Variants in CBLL1 observed in about 807,000 individuals in gnomAD.
The protein encoded by CBLL1 is E3 ubiquitin-protein ligase Hakai.
A neutral mutation model predicts 44.9 loss-of-function variants in CBLL1; 4 were observed. The observed-to-expected ratio is 0.09, with a 90% CI of 0.04 to 0.20. The LOEUF is 0.20. Ranked by LOEUF, CBLL1 falls within the 10% of genes least tolerant of loss-of-function variation. The pLI, the probability that CBLL1 is intolerant of heterozygous loss-of-function variation, is 1.00. For synonymous variants in CBLL1, 235 were observed against 202.2 expected, an observed-to-expected ratio of 1.16 and a Z score of -1.38; for missense variants, 569 against 636.7, an observed-to-expected ratio of 0.89 and a Z score of 1.14.
At chr7:107,751,666 A>T (rs1793297036) in intron 2 of CBLL1, among the ~76,000 whole-genome samples, 1 of 152,208 alleles carries the variant, frequency 6.6e-6, no homozygotes, top group Admixed American at 6.5e-5. Flanking sequence ...TTTTAAAACA[A>T]CACGTTAGTG....
In CBLL1 at chr7:107,746,433, C is replaced by G. The variant is rs551548952; in HGVS notation, c.13+2257C>G. On this transcript the variant is annotated intron_variant, in intron 1 of 5. Coordinates refer to ENST00000440859, the MANE Select transcript of CBLL1 (RefSeq NM_024814.4). The stretch of plus-strand genomic sequence containing the variant: ...TTATTTTTTTTAAATGAATCAATCT[C>G]TTTGATGTTTAGTATCAGAAGACAG... 3.9e-5 allele frequency among the ~76,000 whole-genome samples: 6 copies of G among 152,156 alleles called. No homozygotes were observed. The East Asian group carries it at 1.2e-3, about 29-fold the overall frequency.
chr7:107,744,948 C>G (rs1167837487), intron 1 of CBLL1: 1 of 152,110 alleles, frequency 6.6e-6, no homozygotes. Context: ...TTTATAGCGA[C>G]CGTATCACAA....
intron 4 of CBLL1, among the ~76,000 whole-genome samples, 167 bp from the exon 5 acceptor site, chr7:107,755,251 A>AG (rs1397634755): frequency 6.6e-6 from 1 of 152,170 alleles, no homozygotes; most frequent in Non-Finnish European, 1.5e-5. Flanking sequence ...TGTTCTCAAA[A>AG]GGCTTTGTGA....
At position 107,757,047 on chromosome 7, in the gene CBLL1, C is replaced by T. The variant is rs149780143; in HGVS notation, c.441-1096C>T. 2.6e-5 allele frequency among the ~76,000 whole-genome samples: 4 copies of T among 152,258 alleles called. No homozygotes were observed. In the East Asian group the frequency reaches 7.7e-4, roughly 29 times the overall value. Reference sequence around the variant, plus strand: ...TGGCCACTAAAGGGAAGCATAATAACATCAATAAGGAGTGCCAGCCTTATA... The same window carrying T: ...TGGCCACTAAAGGGAAGCATAATAATATCAATAAGGAGTGCCAGCCTTATA... On this transcript the variant is annotated intron_variant, in intron 5 of 5. Coordinates refer to ENST00000440859, the MANE Select transcript of CBLL1 (RefSeq NM_024814.4).
Position 107,758,090 on chromosome 7 carries a change from T to C in CBLL1, c.441-53T>C, listed in dbSNP as rs1793610491. 6.8e-7 allele frequency: 1 copy of C among 1,479,458 alleles called. No homozygotes were observed. The highest frequency in any genetic ancestry group is 9.1e-7 in the Non-Finnish European group (1 of 1,102,368). The allele number at this position is 1,479,458 out of a possible 1,614,324, so 91.6% of individuals were successfully genotyped here. Reference sequence around the variant, plus strand: ...AACAAGCATATTTTTGAAAATTACATAATTTTTTGTATTCTCTTTTAGTAA... The same window carrying C: ...AACAAGCATATTTTTGAAAATTACACAATTTTTTGTATTCTCTTTTAGTAA... On this transcript the variant is annotated intron_variant, in intron 5 of 5. Coordinates refer to ENST00000440859, the MANE Select transcript of CBLL1 (RefSeq NM_024814.4). The surrounding 1 kb of genome is among the most constrained non-coding windows in gnomAD (Gnocchi z 4.2).
At chr7:107,756,720 C>T (rs1463844378) in intron 5 of CBLL1, among the ~76,000 whole-genome samples, 1 of 152,120 alleles carries the variant, frequency 6.6e-6, no homozygotes, top group Non-Finnish European at 1.5e-5. Flanking sequence ...AAAGAAATTA[C>T]TTCCCAAGGT....
Position 107,760,972 on chromosome 7 carries a change from T to G in CBLL1, c.*1794T>G, listed in dbSNP as rs1397262380. The G allele has an allele frequency of 6.6e-6, 1 of 152,228 alleles. No homozygotes were observed. Among genetic ancestry groups the G allele is most frequent in the Non-Finnish European group, 1.5e-5 (1 of 67,926 alleles). The allele number at this position is 152,228 out of a possible 1,614,324, so 9.4% of individuals were successfully genotyped here. A position where few individuals can be genotyped will look rare whatever the true frequency, so the allele number is the denominator to read the frequency against. ...TGAAAGTCCAGTGTTAATGCAATAT[T>G]TCTAGTGAGAAATGCTTGTTATTAA... On this transcript the variant is annotated 3_prime_UTR_variant, in exon 6 of 6. Coordinates refer to ENST00000440859, the MANE Select transcript of CBLL1 (RefSeq NM_024814.4).
In CBLL1 at chr7:107,753,966, C is replaced by T. The variant is rs986049952; in HGVS notation, c.354C>T (p.Ile118=). The part of the protein sequence containing the change: ...FCDKCGLPIK[I]YGRMIPCKHV... ...ACAAGTGTGGATTGCCTATTAAAAT[C>T]TATGGGAGAATGGTAAGTATAATTA... The change falls in exon 4 of 6, where the codon ATC becomes ATT. Residue 118 remains isoleucine, a synonymous_variant. Transcript: ENST00000440859. 5 of 1,578,614 alleles carry T rather than the reference C, an allele frequency of 3.2e-6. No homozygotes were observed. The highest frequency in any genetic ancestry group is 3.3e-4 in the Middle Eastern group (2 of 6,004).
chr7:107,750,775 A>T (rs182753012), intron 2 of CBLL1, among the ~76,000 whole-genome samples: 1 of 152,178 alleles, frequency 6.6e-6, no homozygotes, highest in African/African-American at 2.4e-5. Flanking sequence ...TTTATAAACA[A>T]TTTTATTGGA....
chr7:107,756,426 A>T (rs978346071), intron 5 of CBLL1, among the ~76,000 whole-genome samples: 1 of 152,198 alleles, frequency 6.6e-6, no homozygotes, highest in African/African-American at 2.4e-5. Flanking sequence ...ATTTTAAAGT[A>T]ACAGATTATA....
Position 107,758,889 on chromosome 7 carries a change from C to T in CBLL1, c.1187C>T (p.Pro396Leu). 1.2e-6 allele frequency: 2 copies of T among 1,614,050 alleles called. No individual in the cohort carries two copies. Among genetic ancestry groups the T allele is most frequent in the Non-Finnish European group, 1.7e-6 (2 of 1,179,990 alleles). Residue 396 changes from proline to leucine, a missense_variant, in exon 6 of 6, where the codon CCA becomes CTA. By Grantham distance (98) the Pro-to-Leu change is moderately conservative. Around this residue, in one of 5 missense-constraint regions of CBLL1, gnomAD observed 228 missense variants for 253.2 expected, o/e 0.90. Coordinates refer to ENST00000440859, the MANE Select transcript of CBLL1 (RefSeq NM_024814.4). The surrounding 1 kb of genome is among the most constrained non-coding windows in gnomAD (Gnocchi z 4.2). Reference protein sequence around the residue: ...PPPGHIIAQMPPYMNHPPPGP... With the variant: ...PPPGHIIAQMLPYMNHPPPGP... The stretch of plus-strand genomic sequence containing the variant: ...CCTGGACATATTATTGCCCAGATGC[C>T]ACCTTATATGAATCATCCTCCTCCA...
intron 5 of CBLL1, among the ~76,000 whole-genome samples, chr7:107,756,701 T>G (rs1793544301): frequency 6.6e-6 from 1 of 152,198 alleles, no homozygotes; most frequent in South Asian, 2.1e-4. Context: ...TAAAAGGTAC[T>G]TATTGTTTAA....
rs751677549 is a variant in CBLL1, at chr7:107,759,121, C to G, written c.1419C>G (p.Thr473=). 3 of 1,613,794 alleles carry G rather than the reference C, an allele frequency of 1.9e-6. No homozygotes were observed. In the East Asian group the frequency reaches 6.7e-5, roughly 36 times the overall value. ...PPRLQGPPSQ[T]PLPGPHHPDQ... is the part of the protein sequence containing the mutation. Reference sequence around the variant, plus strand: ...GATTGCAGGGTCCGCCTTCTCAAACCCCACTTCCTGGACCACATCATCCAG... The same window carrying G: ...GATTGCAGGGTCCGCCTTCTCAAACGCCACTTCCTGGACCACATCATCCAG... Residue 473 remains threonine, a synonymous_variant, in exon 6 of 6, where the codon ACC becomes ACG. Coordinates refer to ENST00000440859, the MANE Select transcript of CBLL1 (RefSeq NM_024814.4).
At chr7:107,747,046 G>T (rs1793057418) in intron 1 of CBLL1, among the ~76,000 whole-genome samples, 1 of 152,152 alleles carries the variant, frequency 6.6e-6, no homozygotes, top group African/African-American at 2.4e-5. Context: ...AATTTTTGTT[G>T]TTAAGGACTT....
intron 2 of CBLL1, 60 bp from the exon 3 acceptor site, chr7:107,753,351 T>G (rs1793389378): frequency 6.1e-6 from 7 of 1,150,176 alleles, no homozygotes; most frequent in Admixed American, 2.3e-5. Flanking sequence ...CATGTATATG[T>G]GCTTCCAAAA....
At position 107,760,381 on chromosome 7, in the gene CBLL1, T is replaced by G. The variant is rs1453319223; in HGVS notation, c.*1203T>G. The G allele has an allele frequency of 4.6e-5, 7 of 152,286 alleles. 1 individual carries two copies. The highest frequency in any genetic ancestry group is 4.6e-4 in the Admixed American group (7 of 15,276). The allele number at this position is 152,286 out of a possible 1,614,324, so 9.4% of individuals were successfully genotyped here. On this transcript the variant is annotated 3_prime_UTR_variant, in exon 6 of 6. Transcript: ENST00000440859. ...TTTTGTCGGTAAAGCAGTCTGAATT[T>G]GGAACATTTTATCATGGAGTCAACA...
At chr7:107,755,175 C>T (rs1410800904) in intron 4 of CBLL1, among the ~76,000 whole-genome samples, 3 of 151,924 alleles carry the variant, frequency 2.0e-5, no homozygotes, top group Non-Finnish European at 4.4e-5. Flanking sequence ...AGGGTTTACA[C>T]CTCCAGAAAG....
Position 107,759,279 on chromosome 7 carries a change from A to G in CBLL1, c.*101A>G. On this transcript the variant is annotated 3_prime_UTR_variant, in exon 6 of 6. Coordinates refer to ENST00000440859, the MANE Select transcript of CBLL1 (RefSeq NM_024814.4). Reference sequence around the variant, plus strand: ...TGGGAAGGAAGAGTACCTCTTATCGAGGTAGTATAAAACACATAGGGTCTT... The same window carrying G: ...TGGGAAGGAAGAGTACCTCTTATCGGGGTAGTATAAAACACATAGGGTCTT... 1 of 1,050,074 alleles carries G rather than the reference A, an allele frequency of 9.5e-7. No homozygotes were observed. The allele number at this position is 1,050,074 out of a possible 1,614,324, so 65.0% of individuals were successfully genotyped here. A position where few individuals can be genotyped will look rare whatever the true frequency, so the allele number is the denominator to read the frequency against.
intron 5 of CBLL1, among the ~76,000 whole-genome samples, chr7:107,755,786 T>C (rs1157580748): frequency 6.6e-6 from 1 of 152,124 alleles, no homozygotes; most frequent in Non-Finnish European, 1.5e-5. Flanking sequence ...TATTAAGATA[T>C]ATTGAGAGCA....
Sources: gnomAD v4.1 joint callset for allele counts (sites outside exome capture counted in the v4.1 genomes callset) on GRCh38, gnomAD v4.1.1 for gene constraint, gnomAD v4.1.1 regional missense constraint, Gnocchi (gnomAD v3.1) non-coding constraint, MANE v1.5 for transcripts, NCBI Gene and HGNC (gene_info 2026-07-23, HGNC 2026-07-21) for gene names.